Variants in AFF4 observed in about 807,000 individuals in gnomAD.
AFF4 encodes ALF transcription elongation factor 4, also known as AF4/FMR2 family member 4.
In AFF4, 13 loss-of-function variants were observed where a neutral mutation model predicts 124.8. That is an observed-to-expected ratio of 0.10 (90% CI 0.07 to 0.17). The LOEUF is 0.17. Ranked by LOEUF, AFF4 falls within the 10% of genes least tolerant of loss-of-function variation. The pLI is 1.00. For missense variants in AFF4, 1,092 were observed against 1,403.8 expected (o/e 0.78, Z 3.55); for synonymous variants, 477 against 496.1 (o/e 0.96, Z 0.51).
chr5:132,892,391 T>C lies in AFF4; in HGVS notation c.2410A>G (p.Ser804Gly). ...PSSNRESSKQSAAKEKDLLPS... is the reference protein window; with the variant it reads ...PSSNRESSKQGAAKEKDLLPS... The stretch of plus-strand genomic sequence containing the variant: ...AACAAATCCTTTTCTTTTGCAGCAC[T>C]CTGCTTAGATGACCTGCCAAACCAA... Residue 804 changes from serine (S) to glycine (G), a missense_variant, in exon 13 of 21, where the codon AGT becomes GGT. Around this residue, in one of 11 missense-constraint regions of AFF4, gnomAD observed 293 missense variants for 280.2 expected, o/e 1.05. Transcript: ENST00000265343. The C allele has an allele frequency of 1.2e-6, 2 of 1,612,314 alleles. No individual in the cohort carries two copies. The highest frequency in any genetic ancestry group is 1.7e-6 in the Non-Finnish European group (2 of 1,178,622).
chr5:132,920,615 A>G (rs1274626924), intron 5 of AFF4, among the ~76,000 whole-genome samples: 1 of 151,574 alleles, frequency 6.6e-6, no homozygotes, highest in Admixed American at 6.6e-5. Flanking sequence ...TTGGCCTCCC[A>G]AAGTGCTAGG....
chr5:132,900,371 A>C (rs1221261603), intron 7 of AFF4, among the ~76,000 whole-genome samples: 1 of 152,166 alleles, frequency 6.6e-6, no homozygotes, highest in Non-Finnish European at 1.5e-5. Context: ...AGCCAGGCCA[A>C]CAGGGTGAAA....
chr5:132,934,517 T>A lies in AFF4; in HGVS notation c.548A>T (p.Lys183Ile), dbSNP rs1047515501. The A allele has an allele frequency of 2.5e-6, 4 of 1,614,044 alleles. No homozygotes were observed. The African/African-American group carries it at 5.3e-5, about 22-fold the overall frequency. ...HSKSRSSSPG[K>I]PQAVSSLNSS... ...GTTTAATGAAGAAACAGCCTGGGGT[T>A]TTCCAGGGCTGGAAGAACGTGATTT... Residue 183 changes from lysine (K) to isoleucine (I), a missense_variant, in exon 3 of 21, where the codon AAA becomes ATA. Lys to Ile is a moderately radical substitution (Grantham distance 102). This residue lies in a region of AFF4 where 188 missense variants were observed against 203.0 expected (regional missense o/e 0.93). Transcript: ENST00000265343.
chr5:132,933,458 T>C (rs377305477), intron 3 of AFF4, among the ~76,000 whole-genome samples: 5 of 151,288 alleles, frequency 3.3e-5, no homozygotes, highest in Admixed American at 2.6e-4. Context: ...TCTGTAACCT[T>C]AGCACTTTGA....
Position 132,878,602 on chromosome 5 carries a change from T to C in AFF4, c.*2457A>G. 1 of 229,804 alleles carries C rather than the reference T, an allele frequency of 4.4e-6. No individual in the cohort carries two copies. Among genetic ancestry groups the C allele is most frequent in the Non-Finnish European group, 8.6e-6 (1 of 115,628 alleles). The allele number at this position is 229,804 out of a possible 1,614,324, so 14.2% of individuals were successfully genotyped here. A position where few individuals can be genotyped will look rare whatever the true frequency, so the allele number is the denominator to read the frequency against. Reference sequence around the variant, plus strand: ...GTAGTATTTCCACACACTATGACATTGAAAATTCAATCATTTATGATAGGA... The same window carrying C: ...GTAGTATTTCCACACACTATGACATCGAAAATTCAATCATTTATGATAGGA... On this transcript the variant is annotated 3_prime_UTR_variant, in exon 21 of 21. Transcript: ENST00000265343.
chr5:132,904,686 T>A (rs2150078149), intron 5 of AFF4, among the ~76,000 whole-genome samples: 1 of 152,300 alleles, frequency 6.6e-6, no homozygotes, highest in African/African-American at 2.4e-5. Flanking sequence ...AATAACTAAT[T>A]TCAATTTAAA....
chr5:132,934,993 A>G (rs1164966514), intron 2 of AFF4, 52 bp from the exon 3 acceptor site: 1 of 1,385,584 alleles, frequency 7.2e-7, no homozygotes, highest in Non-Finnish European at 9.6e-7. Flanking sequence ...AATCAGAAAT[A>G]AAATATAATT....
At chr5:132,923,491 T>G (rs1388045300) in intron 5 of AFF4, among the ~76,000 whole-genome samples, 1 of 152,090 alleles carries the variant, frequency 6.6e-6, no homozygotes, top group Non-Finnish European at 1.5e-5. Context: ...TAGCTTGTGC[T>G]TGGGACACTG....
At chr5:132,914,804 T>G (rs1431689792) in intron 5 of AFF4, among the ~76,000 whole-genome samples, 1 of 152,132 alleles carries the variant, frequency 6.6e-6, no homozygotes, top group African/African-American at 2.4e-5. Context: ...GCTATCATAA[T>G]AGAATATGTT....
intron 5 of AFF4, among the ~76,000 whole-genome samples, chr5:132,926,524 A>G (rs1438306204): frequency 1.3e-5 from 2 of 150,856 alleles, no homozygotes; most frequent in Non-Finnish European, 3.0e-5. Context: ...ATAGTCTGCA[A>G]TAAATACCAC....
Position 132,934,130 on chromosome 5 carries a change from C to G in AFF4, c.918+17G>C. 4 of 1,603,336 alleles carry G rather than the reference C, an allele frequency of 2.5e-6. No individual in the cohort carries two copies. Among genetic ancestry groups the G allele is most frequent in the South Asian group, 1.1e-5 (1 of 89,814 alleles). On this transcript the variant is annotated intron_variant, in intron 3 of 20. Coordinates refer to ENST00000265343, the MANE Select transcript of AFF4 (RefSeq NM_014423.4). ...TCACGTAGTCACAATGTTAAAAGCTCTAAATGTGTGACTTACATCCAGTGG... is the reference window on the plus strand; with the variant it reads ...TCACGTAGTCACAATGTTAAAAGCTGTAAATGTGTGACTTACATCCAGTGG...
At chr5:132,920,731 CAT>C (rs1211363032) in intron 5 of AFF4, among the ~76,000 whole-genome samples, 1 of 152,144 alleles carries the variant, frequency 6.6e-6, no homozygotes, top group Non-Finnish European at 1.5e-5. Flanking sequence ...TAAAAGTTAA[CAT>C]GTGTTCTTAG....
At chr5:132,938,525 A>G (rs889965935) in intron 1 of AFF4, among the ~76,000 whole-genome samples, 8 of 151,366 alleles carry the variant, frequency 5.3e-5, no homozygotes, top group African/African-American at 1.9e-4. Flanking sequence ...TTGGCCTCCC[A>G]AAGTGCTGGG....
intron 5 of AFF4, among the ~76,000 whole-genome samples, chr5:132,913,253 T>G (rs1479088298): frequency 1.3e-5 from 2 of 152,196 alleles, no homozygotes; most frequent in African/African-American, 4.8e-5. Context: ...CCTAAATGTT[T>G]ATGCACCTAA....
At chr5:132,887,791 G>A (rs189852169) in intron 16 of AFF4, 55 bp downstream of exon 16, 10 of 1,598,128 alleles carry the variant, frequency 6.3e-6, no homozygotes, top group Non-Finnish European at 8.5e-6. Context: ...CCTCTTCCTT[G>A]ATGGACCAGA....
chr5:132,884,403 G>T (rs916878436), intron 19 of AFF4, among the ~76,000 whole-genome samples: 2 of 151,956 alleles, frequency 1.3e-5, no homozygotes, highest in Admixed American at 1.3e-4. Flanking sequence ...CACCACACCC[G>T]GCTAATTTTT....
intron 5 of AFF4, among the ~76,000 whole-genome samples, chr5:132,915,202 G>A (rs532200069): frequency 3.9e-5 from 6 of 152,036 alleles, no homozygotes; most frequent in South Asian, 2.1e-4. Flanking sequence ...TTAGCTGGGC[G>A]TGGTGGCGCA....
chr5:132,908,701 T>C (rs1285602145), intron 5 of AFF4, among the ~76,000 whole-genome samples: 4 of 149,620 alleles, frequency 2.7e-5, no homozygotes, highest in South Asian at 4.2e-4. Flanking sequence ...CTAGCTTGAA[T>C]GTATGTATAT....
chr5:132,917,705 CTTTTTTTTT>C (rs58145774), intron 5 of AFF4, among the ~76,000 whole-genome samples: 16 of 74,054 alleles, frequency 2.2e-4, no homozygotes, highest in African/African-American at 7.5e-4. Flanking sequence ...CTTTTCTTTT[CTTTTTTTTT>C]TTTTTTTTTT....
Sources: gnomAD v4.1 joint callset for allele counts (sites outside exome capture counted in the v4.1 genomes callset) on GRCh38, gnomAD v4.1.1 for gene constraint, gnomAD v4.1.1 regional missense constraint, MANE v1.5 for transcripts, NCBI Gene and HGNC (gene_info 2026-07-23, HGNC 2026-07-21) for gene names.